RBFOX1: variants seen among roughly 807,000 people sequenced by gnomAD.
The protein encoded by RBFOX1 is RNA binding protein fox-1 homolog 1.
A neutral mutation model predicts 57.7 loss-of-function variants in RBFOX1; 8 were observed. The ratio of observed to expected loss-of-function variants is 0.14; its 90% confidence interval spans 0.08 to 0.25. The LOEUF is 0.25. Among genes scored for constraint, RBFOX1 ranks in the 10% least tolerant of loss-of-function variants. The probability of loss-of-function intolerance (pLI) is 1.00; values close to 1 mark genes in which losing one functional copy is unlikely to be tolerated. For missense variants in RBFOX1, 611 were observed against 548.5 expected, an observed-to-expected ratio of 1.11 and a Z score of -1.14; for synonymous variants, 326 against 222.4, an observed-to-expected ratio of 1.47 and a Z score of -4.15.
At chr16:7,454,002 A>G (rs1050388198) in intron 4 of RBFOX1, among the ~76,000 whole-genome samples, 4 of 152,196 alleles carry the variant, frequency 2.6e-5, no homozygotes, top group Admixed American at 2.6e-4. Flanking sequence ...GGAGGCCAAG[A>G]CGGGTGGATT....
At chr16:7,011,299 C>G (rs939230145) in intron 3 of RBFOX1, among the ~76,000 whole-genome samples, 2 of 152,172 alleles carry the variant, frequency 1.3e-5, no homozygotes, top group South Asian at 4.1e-4. Flanking sequence ...ATGCTATCAT[C>G]ATTTTCACTT....
intron 4 of RBFOX1, among the ~76,000 whole-genome samples, chr16:5,885,548 T>C (rs1167608759): frequency 6.6e-6 from 1 of 152,116 alleles, no homozygotes; most frequent in Non-Finnish European, 1.5e-5. Flanking sequence ...TCTCCTTTCC[T>C]TCCTCAAAGT....
intron 1 of RBFOX1, among the ~76,000 whole-genome samples, chr16:6,100,155 GTTTTTTT>G (rs200030399): frequency 6.7e-6 from 1 of 150,150 alleles, no homozygotes; most frequent in Non-Finnish European, 1.5e-5. Context: ...TTTTGTTGTT[GTTTTTTT>G]TTGTTGTTGT....
chr16:7,372,677 C>G (rs1441292094), intron 4 of RBFOX1, among the ~76,000 whole-genome samples: 2 of 151,756 alleles, frequency 1.3e-5, no homozygotes, highest in Non-Finnish European at 2.9e-5. Context: ...TTCCATTCTT[C>G]CATAATAAAT....
chr16:7,586,495 TTAAGTA>T (rs1192326781), intron 6 of RBFOX1, among the ~76,000 whole-genome samples: 1 of 152,202 alleles, frequency 6.6e-6, no homozygotes, highest in Non-Finnish European at 1.5e-5. Flanking sequence ...ACCACAAGTA[TTAAGTA>T]TAAGTATGTC....
intron 4 of RBFOX1, among the ~76,000 whole-genome samples, chr16:5,872,996 CA>C (rs544508752): frequency 6.6e-6 from 1 of 151,854 alleles, no homozygotes; most frequent in Non-Finnish European, 1.5e-5. Context: ...ATTAAAAATA[CA>C]AAAATTAGCT....
At chr16:6,976,688 C>T (rs574778719) in intron 3 of RBFOX1, among the ~76,000 whole-genome samples, 72 of 148,226 alleles carry the variant, frequency 4.9e-4, no homozygotes, top group African/African-American at 1.6e-3. Flanking sequence ...TATATCATAC[C>T]TATAGCATAC....
intron 3 of RBFOX1, 126 bp from the exon 4 acceptor site, chr16:7,051,931 A>C: frequency 7.1e-7 from 1 of 1,413,118 alleles, no homozygotes; most frequent in Non-Finnish European, 9.6e-7. Context: ...AGAAAAATTA[A>C]ATACATAATT....
At chr16:6,048,297 A>G (rs2095516216) in intron 1 of RBFOX1, among the ~76,000 whole-genome samples, 1 of 152,194 alleles carries the variant, frequency 6.6e-6, no homozygotes, top group African/African-American at 2.4e-5. Context: ...CCCTTCAAAT[A>G]GTATTCTAGT....
intron 1 of RBFOX1, among the ~76,000 whole-genome samples, chr16:5,382,745 T>C (rs375461714): frequency 6.6e-6 from 1 of 152,274 alleles, no homozygotes; most frequent in African/African-American, 2.4e-5. Context: ...TATCTTTTTA[T>C]GTTTAAGGAA....
chr16:6,775,755 CAGTG>C (rs1417779163), intron 3 of RBFOX1: 6 of 152,098 alleles, frequency 3.9e-5, no homozygotes, highest in African/African-American at 1.4e-4. Flanking sequence ...AAACGGGTGA[CAGTG>C]AGAGGAAGGA....
At chr16:7,040,956 C>G (rs956529299) in intron 3 of RBFOX1, among the ~76,000 whole-genome samples, 1 of 151,700 alleles carries the variant, frequency 6.6e-6, no homozygotes, top group Non-Finnish European at 1.5e-5. Context: ...TGCTCTGTCC[C>G]CCAGGCTGGA....
chr16:7,002,693 AGAGT>A (rs1471498884), intron 3 of RBFOX1, among the ~76,000 whole-genome samples: 2 of 152,184 alleles, frequency 1.3e-5, no homozygotes, highest in Non-Finnish European at 2.9e-5. Context: ...GCCTGGTGAT[AGAGT>A]GAGGGTCCAA....
chr16:5,451,642 G>C (rs1177354775), intron 1 of RBFOX1, among the ~76,000 whole-genome samples: 2 of 152,218 alleles, frequency 1.3e-5, no homozygotes, highest in Admixed American at 6.5e-5. Flanking sequence ...TTCAGTAGAA[G>C]TCTACGTACA....
At chr16:6,510,987 C>G (rs1443277878) in intron 2 of RBFOX1, among the ~76,000 whole-genome samples, 1 of 152,136 alleles carries the variant, frequency 6.6e-6, no homozygotes, top group East Asian at 1.9e-4. Flanking sequence ...ACGGCAGCAT[C>G]CAATGCTGTC....
At chr16:6,437,289 A>G (rs1454335027) in intron 2 of RBFOX1, among the ~76,000 whole-genome samples, 1 of 152,208 alleles carries the variant, frequency 6.6e-6, no homozygotes, top group Non-Finnish European at 1.5e-5. Flanking sequence ...AATTCCATTA[A>G]TTTAAGCTAA....
intron 2 of RBFOX1, among the ~76,000 whole-genome samples, chr16:6,566,432 T>G (rs937655084): frequency 6.6e-6 from 1 of 152,196 alleles, no homozygotes; most frequent in Middle Eastern, 3.2e-3. Flanking sequence ...CATTTGATTT[T>G]TTTTTTCTTC....
intron 4 of RBFOX1, among the ~76,000 whole-genome samples, chr16:7,443,777 T>C (rs2098788146): frequency 6.6e-6 from 1 of 152,212 alleles, no homozygotes; most frequent in Admixed American, 6.5e-5. Flanking sequence ...AAGAGATCCG[T>C]TGCTCCTATT....
intron 1 of RBFOX1, among the ~76,000 whole-genome samples, chr16:6,163,498 A>G (rs1049335267): frequency 1.3e-5 from 2 of 152,214 alleles, no homozygotes; most frequent in African/African-American, 4.8e-5. Context: ...CAAATCAGAT[A>G]AATCATGGAG....
Sources: gnomAD v4.1 joint callset for allele counts (sites outside exome capture counted in the v4.1 genomes callset) on GRCh38, gnomAD v4.1.1 for gene constraint, MANE v1.5 for transcripts, NCBI Gene and HGNC (gene_info 2026-07-23, HGNC 2026-07-21) for gene names.